CACNA2D1: variants seen among roughly 807,000 people sequenced by gnomAD.
The protein encoded by CACNA2D1 is voltage-dependent calcium channel subunit alpha-2/delta-1.
A neutral mutation model predicts 171.5 loss-of-function variants in CACNA2D1; 53 were observed. The ratio of observed to expected loss-of-function variants is 0.31; its 90% CI spans 0.25 to 0.39. The LOEUF (loss-of-function observed/expected upper bound fraction) is 0.39, where lower values mean the gene tolerates loss of function less well. Among genes scored for constraint, CACNA2D1 ranks in the 10% least tolerant of loss-of-function variants. The probability of loss-of-function intolerance (pLI) is 1.00; values close to 1 mark genes in which losing one functional copy is unlikely to be tolerated. For synonymous variants in CACNA2D1, 442 were observed against 443.1 expected (o/e 1.00, Z 0.03); for missense variants, 903 against 1,299.8 (o/e 0.69, Z 4.69).
intron 21 of CACNA2D1, among the ~76,000 whole-genome samples, chr7:81,985,196 C>CTA (rs1796830966): frequency 9.6e-6 from 1 of 104,192 alleles, no homozygotes; most frequent in Non-Finnish European, 1.8e-5. Flanking sequence ...ATTATCATTA[C>CTA]TTTTTTTTTT....
At chr7:82,312,856 C>T (rs995875057) in intron 3 of CACNA2D1, among the ~76,000 whole-genome samples, 1 of 152,046 alleles carries the variant, frequency 6.6e-6, no homozygotes, top group Non-Finnish European at 1.5e-5. Flanking sequence ...ATTTGAAATA[C>T]AATCCAAGAC....
chr7:82,250,462 G>C (rs1002874116), intron 3 of CACNA2D1, among the ~76,000 whole-genome samples: 5 of 152,122 alleles, frequency 3.3e-5, no homozygotes, highest in African/African-American at 1.2e-4. Flanking sequence ...GATATATCCT[G>C]AAATATCCTT....
chr7:82,159,338 T>C (rs777837501), intron 4 of CACNA2D1, among the ~76,000 whole-genome samples: 3 of 151,874 alleles, frequency 2.0e-5, no homozygotes, highest in Admixed American at 2.0e-4. Flanking sequence ...AAAAACTGAC[T>C]GGAATGTTTG....
At chr7:82,320,622 A>G (rs1815695319) in intron 3 of CACNA2D1, among the ~76,000 whole-genome samples, 1 of 142,462 alleles carries the variant, frequency 7.0e-6, no homozygotes, top group South Asian at 2.2e-4. Context: ...GCTATATTGC[A>G]CAAGCTGGTC....
chr7:82,392,932 C>T (rs558337201), intron 1 of CACNA2D1, among the ~76,000 whole-genome samples: 2 of 151,866 alleles, frequency 1.3e-5, no homozygotes, highest in South Asian at 2.1e-4. Flanking sequence ...CCCTTTCCTA[C>T]CTAATATTCT....
At chr7:82,105,704 T>C (rs1787678403) in intron 6 of CACNA2D1, among the ~76,000 whole-genome samples, 1 of 152,072 alleles carries the variant, frequency 6.6e-6, no homozygotes, top group Admixed American at 6.6e-5. Context: ...GGACGATGAT[T>C]ACTAAGGAAA....
At chr7:82,390,631 T>C (rs1825009385) in intron 1 of CACNA2D1, among the ~76,000 whole-genome samples, 1 of 152,170 alleles carries the variant, frequency 6.6e-6, no homozygotes, top group Non-Finnish European at 1.5e-5. Flanking sequence ...TGTGGATGTG[T>C]ATGGTTCCAG....
At chr7:82,337,231 T>C (rs991996499) in intron 2 of CACNA2D1, among the ~76,000 whole-genome samples, 20 of 152,090 alleles carry the variant, frequency 1.3e-4, no homozygotes, top group Admixed American at 2.6e-4. Context: ...CTAGTGTAAA[T>C]ATCTGGCTGT....
rs529992509 is a variant in CACNA2D1 at position 82,400,159 on chromosome 7, G to A, written c.95+43206C>T. ...GTGATGCCTCCAGCTTTGTTCTTTT[G>A]GCTTAGGATTGACTTGGCGATGCGG... On this transcript the variant is annotated intron_variant, in intron 1 of 38. Coordinates refer to ENST00000356860, the MANE Select transcript of CACNA2D1 (RefSeq NM_000722.4). 1.1e-4 allele frequency among the ~76,000 whole-genome samples: 17 copies of A among 150,454 alleles called. No homozygotes were observed. In the South Asian group the frequency reaches 3.6e-3, roughly 32 times the overall value.
chr7:82,172,830 TGTATGG>T (rs1796178345), intron 3 of CACNA2D1, among the ~76,000 whole-genome samples: 3 of 141,040 alleles, frequency 2.1e-5, no homozygotes, highest in Admixed American at 2.1e-4. Flanking sequence ...AACTTTTACA[TGTATGG>T]GCAAAAAAAA....
At chr7:82,351,157 T>G (rs1819801964) in intron 1 of CACNA2D1, among the ~76,000 whole-genome samples, 1 of 152,148 alleles carries the variant, frequency 6.6e-6, no homozygotes, top group Non-Finnish European at 1.5e-5. Flanking sequence ...GAATTTGAAC[T>G]TTTCTCTACA....
chr7:82,005,680 T>A (rs1349461850), intron 17 of CACNA2D1, 85 bp downstream of exon 17: 4 of 1,015,798 alleles, frequency 3.9e-6, no homozygotes, highest in Non-Finnish European at 6.3e-6. Flanking sequence ...CTGCCCATAA[T>A]TTTTGAGAAT....
intron 10 of CACNA2D1, among the ~76,000 whole-genome samples, chr7:82,060,168 ATATATATATAATATATATATAT>A (rs1562981057): frequency 4.8e-4 from 5 of 10,322 alleles, no homozygotes; most frequent in Non-Finnish European, 6.5e-4. Context: ...TATATATAAT[ATATATATATAATATATATATAT>A]TATATATATA....
chr7:82,089,561 T>C (rs1810886456), intron 6 of CACNA2D1, among the ~76,000 whole-genome samples: 1 of 152,178 alleles, frequency 6.6e-6, no homozygotes, highest in Non-Finnish European at 1.5e-5. Flanking sequence ...TACATCTCTA[T>C]TCTTTGTTTA....
In CACNA2D1 at chr7:82,064,291, T is replaced by G. The variant is rs1807335127; in HGVS notation, c.779+13A>C. On this transcript the variant is annotated intron_variant, in intron 9 of 38. Coordinates refer to ENST00000356860, the MANE Select transcript of CACNA2D1 (RefSeq NM_000722.4). Reference sequence around the variant, plus strand: ...ATTCTCAATATATAAATAAGTAGTATTTAACAACTCACACATCCACCAGAA... The same window carrying G: ...ATTCTCAATATATAAATAAGTAGTAGTTAACAACTCACACATCCACCAGAA... 3 of 1,560,240 alleles carry G rather than the reference T, an allele frequency of 1.9e-6. No homozygotes were observed. Among genetic ancestry groups the G allele is most frequent in the African/African-American group, 1.4e-5 (1 of 73,828 alleles).
intron 3 of CACNA2D1, among the ~76,000 whole-genome samples, chr7:82,278,968 C>T (rs1809723125): frequency 6.6e-6 from 1 of 152,128 alleles, no homozygotes; most frequent in Non-Finnish European, 1.5e-5. Context: ...CTAAGCAAAA[C>T]CATGTGACTT....
chr7:81,994,928 C>G lies in CACNA2D1; in HGVS notation c.1674G>C (p.Lys558Asn). The part of the protein sequence containing the change: ...ENDIKVEIRN[K>N]MIDGESGEKT... Reference sequence around the variant, plus strand: ...TTTCTCCACTTTCCCCATCAATCATCTTATTTCGAATCTAAGAGTAAATGA... The same window carrying G: ...TTTCTCCACTTTCCCCATCAATCATGTTATTTCGAATCTAAGAGTAAATGA... Residue 558 changes from lysine to asparagine, a missense_variant, in exon 20 of 39, where the codon AAG (lysine) becomes AAC (asparagine). This residue lies in a region of CACNA2D1 where 623 missense variants were observed against 925.5 expected (regional missense o/e 0.67). Coordinates refer to ENST00000356860, the MANE Select transcript of CACNA2D1 (RefSeq NM_000722.4). 6.5e-7 allele frequency: 1 copy of G among 1,534,012 alleles called. No individual in the cohort carries two copies. The highest frequency in any genetic ancestry group is 1.7e-5 in the Admixed American group (1 of 59,890).
intron 4 of CACNA2D1, among the ~76,000 whole-genome samples, chr7:82,153,755 T>C (rs1044629860): frequency 1.3e-5 from 2 of 152,118 alleles, no homozygotes; most frequent in South Asian, 2.1e-4. Flanking sequence ...AATGTTCTGA[T>C]GAAAAGTTGT....
intron 4 of CACNA2D1, among the ~76,000 whole-genome samples, chr7:82,150,458 AT>A (rs1243647274): frequency 1.3e-5 from 2 of 150,804 alleles, no homozygotes; most frequent in African/African-American, 2.4e-5. Flanking sequence ...TCTAGTACAT[AT>A]TTTTGTAGAA....
Sources: allele counts gnomAD v4.1 joint callset (sites outside exome capture counted in the v4.1 genomes callset), GRCh38; gene constraint gnomAD v4.1.1; regional missense constraint gnomAD v4.1.1; transcripts MANE v1.5; gene names NCBI Gene and HGNC (gene_info 2026-07-23, HGNC 2026-07-21).